SETD4: variants seen among roughly 807,000 people sequenced by gnomAD.
The protein encoded by SETD4 is SET domain containing 4.
Under a neutral mutation model 58.3 loss-of-function variants are expected in SETD4, and 46 were observed. That is an observed-to-expected ratio of 0.79 (90% CI 0.62 to 1.01). SETD4 has a LOEUF of 1.01. Among genes scored for constraint, SETD4 ranks in the 50% least tolerant of loss-of-function variants. SETD4 has a pLI of 0.00. For missense variants in SETD4, 490 were observed against 523.3 expected (o/e 0.94, Z 0.62); for synonymous variants, 190 against 202.6 (o/e 0.94, Z 0.53).
chr21:36,036,746 T>C (rs760457275), intron 10 of SETD4: 36 of 514,980 alleles, frequency 7.0e-5, no homozygotes, highest in African/African-American at 1.0e-4. Flanking sequence ...TTTTGCCTTT[T>C]AATAAAAAGT....
Position 36,035,955 on chromosome 21 carries a change from T to C in SETD4, c.*38A>G. The stretch of plus-strand genomic sequence containing the variant: ...TGATGATGCTCTTCAAAATTAACTT[T>C]TGTTTCTGTAGGAAAAGCAAAAGGA... On this transcript the variant is annotated 3_prime_UTR_variant, in exon 12 of 12. Coordinates refer to ENST00000332131, the MANE Select transcript of SETD4 (RefSeq NM_017438.5). 2 of 987,204 alleles carry C rather than the reference T, an allele frequency of 2.0e-6. No homozygotes were observed. The highest frequency in any genetic ancestry group is 3.0e-6 in the Non-Finnish European group (2 of 662,432). The allele number at this position is 987,204 out of a possible 1,614,324, so 61.2% of individuals were successfully genotyped here. A position where few individuals can be genotyped will look rare whatever the true frequency, so the allele number is the denominator to read the frequency against.
chr21:36,053,701 T>C lies in SETD4; in HGVS notation c.170-81A>G, dbSNP rs373526431. On this transcript the variant is annotated intron_variant, in intron 3 of 11. Coordinates refer to ENST00000332131, the MANE Select transcript of SETD4 (RefSeq NM_017438.5). ...AGATAACTATTATGGAAAAAAAAAA[T>C]GTGAACTTCAAAATTACACAAGGCT... The C allele has an allele frequency of 1.5e-5, 20 of 1,348,618 alleles. No individual in the cohort carries two copies. In the South Asian group the frequency reaches 2.3e-4, roughly 16 times the overall value. The allele number at this position is 1,348,618 out of a possible 1,614,324, so 83.5% of individuals were successfully genotyped here.
chr21:36,045,813 G>A lies in SETD4; in HGVS notation c.495C>T (p.His165=), dbSNP rs767191061. 9.3e-6 allele frequency: 15 copies of A among 1,614,100 alleles called. No homozygotes were observed. The highest frequency in any genetic ancestry group is 6.6e-5 in the South Asian group (6 of 91,094). The change falls in exon 6 of 12, where the codon CAC becomes CAT. Residue 165 remains histidine (H), a synonymous_variant. Transcript: ENST00000332131. The stretch of plus-strand genomic sequence containing the variant: ...TGGAGGAAGCAAAGAACTCCTGCAC[G>A]TGGGCTCTCTGCTCTTCAGCCTTTG... The part of the protein sequence containing the change: ...LKAKAEEQRA[H]VQEFFASSRD...
At chr21:36,038,556 C>T (rs1451850301) in intron 9 of SETD4, among the ~76,000 whole-genome samples, 2 of 152,114 alleles carry the variant, frequency 1.3e-5, no homozygotes, top group Non-Finnish European at 2.9e-5. Context: ...CTGTGTCTGA[C>T]CCATGAGTGA....
At chr21:36,042,294 G>A (rs868466100) in intron 7 of SETD4, 1 of 152,630 alleles carries the variant, frequency 6.6e-6, no homozygotes, top group East Asian at 1.9e-4. Context: ...GGATATTAGT[G>A]ACTGCAACTA....
intron 9 of SETD4, 38 bp downstream of exon 9, chr21:36,040,537 T>C (rs776365783): frequency 1.9e-6 from 3 of 1,563,270 alleles, no homozygotes; most frequent in South Asian, 2.2e-5. Flanking sequence ...ATATCTAGCC[T>C]GTTGCTACAG....
At chr21:36,058,687 C>T in intron 2 of SETD4, 129 bp downstream of exon 2, 1 of 1,098,278 alleles carries the variant, frequency 9.1e-7, no homozygotes, top group Non-Finnish European at 1.3e-6. Flanking sequence ...CACTGCACTC[C>T]AGCCTGGGTG....
chr21:36,051,762 G>A (rs2064706141), intron 4 of SETD4, among the ~76,000 whole-genome samples: 1 of 152,146 alleles, frequency 6.6e-6, no homozygotes, highest in South Asian at 2.1e-4. Context: ...TTCACATTGT[G>A]TTGGAAGATT....
Position 36,051,001 on chromosome 21 carries a change from G to A in SETD4, c.207+2582C>T, listed in dbSNP as rs150614398. 16 of 1,590,556 alleles carry A rather than the reference G, an allele frequency of 1.0e-5. 1 individual carries two copies. Among genetic ancestry groups the A allele is most frequent in the Middle Eastern group, 1.7e-4 (1 of 6,012 alleles). On this transcript the variant is annotated intron_variant, in intron 4 of 11. Coordinates refer to ENST00000332131, the MANE Select transcript of SETD4 (RefSeq NM_017438.5). The stretch of plus-strand genomic sequence containing the variant: ...AATATCCTGGGGATGGATGTGTGTG[G>A]CGTTGACCTGTTGATGAAAGATGGC...
Position 36,040,520 on chromosome 21 carries a change from C to T in SETD4, c.1064+55G>A, listed in dbSNP as rs2063996994. On this transcript the variant is annotated intron_variant, in intron 9 of 11. Transcript: ENST00000332131. Reference sequence around the variant, plus strand: ...GCCAAAAACAAACAAACCAACCCTCCAAAGTTATATCTAGCCTGTTGCTAC... The same window carrying T: ...GCCAAAAACAAACAAACCAACCCTCTAAAGTTATATCTAGCCTGTTGCTAC... The T allele has an allele frequency of 1.1e-5, 16 of 1,504,610 alleles. No homozygotes were observed. The South Asian group carries it at 1.8e-4, about 17-fold the overall frequency. 93.2% of individuals were successfully genotyped at this position (1,504,610 alleles called of 1,614,324 possible). A position where few individuals can be genotyped will look rare whatever the true frequency, so the allele number is the denominator to read the frequency against.
rs757880656 is a variant in SETD4 at position 36,057,224 on chromosome 21, C to G, written c.74-20G>C. Reference sequence around the variant, plus strand: ...CATTCACTATCAGGCAAGGAGAGAACAAATGGTGATTAAAACCACTATATA... The same window carrying G: ...CATTCACTATCAGGCAAGGAGAGAAGAAATGGTGATTAAAACCACTATATA... On this transcript the variant is annotated intron_variant, in intron 2 of 11. Coordinates refer to ENST00000332131, the MANE Select transcript of SETD4 (RefSeq NM_017438.5). The G allele has an allele frequency of 1.9e-6, 3 of 1,576,106 alleles. No individual in the cohort carries two copies. The highest frequency in any genetic ancestry group is 2.6e-6 in the Non-Finnish European group (3 of 1,145,500).
At chr21:36,048,211 T>G in intron 5 of SETD4, 97 bp downstream of exon 5, 2 of 988,492 alleles carry the variant, frequency 2.0e-6, no homozygotes, top group South Asian at 1.3e-5. Flanking sequence ...TACAAGGGAC[T>G]GGGTTCTAAT....
chr21:36,057,121 C>T lies in SETD4; in HGVS notation c.157G>A (p.Ala53Thr). The T allele has an allele frequency of 6.2e-7, 1 of 1,613,990 alleles. No homozygotes were observed. The highest frequency in any genetic ancestry group is 8.5e-7 in the Non-Finnish European group (1 of 1,179,858). Residue 53 changes from alanine to threonine, a missense_variant, in exon 3 of 12, where the codon GCT becomes ACT. Ala to Thr is a moderately conservative substitution (Grantham distance 58, BLOSUM62 0). Transcript: ENST00000332131. The stretch of plus-strand genomic sequence containing the variant: ...GGCTAGATCTTACCTGGAAAACAAG[C>T]AGGCGCTAAGTTTGAATCTTGAAAC... ...RKFQDSNLAP[A>T]CFPGTGRGLM... is the part of the protein sequence containing the mutation.
rs747415463 is a variant in SETD4 at position 36,036,109 on chromosome 21, C to T, written c.*8G>A. Reference sequence around the variant, plus strand: ...CCAGAGGAGGTGACCAAATGCGCTTCGGTGAAATCAGGTAAAAGCTGTTTG... The same window carrying T: ...CCAGAGGAGGTGACCAAATGCGCTTTGGTGAAATCAGGTAAAAGCTGTTTG... On this transcript the variant is annotated 3_prime_UTR_variant, in exon 11 of 12. Transcript: ENST00000332131. 25 of 1,614,034 alleles carry T rather than the reference C, an allele frequency of 1.5e-5. 1 individual carries two copies. The South Asian group carries it at 1.8e-4, about 11-fold the overall frequency.
intron 10 of SETD4, 67 bp from the exon 11 acceptor site, chr21:36,036,318 TACC>T: frequency 7.2e-7 from 1 of 1,387,474 alleles, no homozygotes; most frequent in Non-Finnish European, 9.7e-7. Context: ...AGAACGTACG[TACC>T]TTTTTAACCA....
At position 36,035,957 on chromosome 21, in the gene SETD4, G is replaced by T. The variant is rs192023257; in HGVS notation, c.*36C>A. On this transcript the variant is annotated 3_prime_UTR_variant, in exon 12 of 12. Transcript: ENST00000332131. ...ATGATGCTCTTCAAAATTAACTTTT[G>T]TTTCTGTAGGAAAAGCAAAAGGAAA... 4.2e-5 allele frequency: 42 copies of T among 1,006,708 alleles called. No individual in the cohort carries two copies. In the Admixed American group the frequency reaches 5.1e-4, roughly 12 times the overall value. 62.4% of individuals were successfully genotyped at this position (1,006,708 alleles called of 1,614,324 possible).
intron 3 of SETD4, among the ~76,000 whole-genome samples, chr21:36,055,273 T>A (rs1396876186): frequency 6.6e-6 from 1 of 152,242 alleles, no homozygotes; most frequent in Non-Finnish European, 1.5e-5. Flanking sequence ...ATTTATATGG[T>A]AGATAGTGTT....
intron 4 of SETD4, chr21:36,050,914 G>A: frequency 6.2e-7 from 1 of 1,610,560 alleles, no homozygotes; most frequent in East Asian, 2.2e-5. Context: ...TGCTCATTAG[G>A]TGGTGTGGGG....
chr21:36,038,271 G>A lies in SETD4; in HGVS notation c.1067C>T (p.Thr356Ile). Residue 356 changes from threonine (T) to isoleucine (I), a missense_variant and splice_region_variant, in exon 10 of 12, where the codon ACA (threonine) becomes ATA (isoleucine). Coordinates refer to ENST00000332131, the MANE Select transcript of SETD4 (RefSeq NM_017438.5). ...CCCAAGAAGTACTTTTTTCCAGCAT[G>A]TACTAGAACCAAAATGTTCCATGAC... is the stretch of plus-strand genomic sequence containing the variant. ...KLLCLEAEKF[T>I]CWKKVLLGEV... is the part of the protein sequence containing the mutation. The A allele has an allele frequency of 2.5e-6, 4 of 1,605,770 alleles. No individual in the cohort carries two copies. The highest frequency in any genetic ancestry group is 3.4e-6 in the Non-Finnish European group (4 of 1,178,144).
Sources: gnomAD v4.1 joint callset for allele counts (sites outside exome capture counted in the v4.1 genomes callset) on GRCh38, gnomAD v4.1.1 for gene constraint, MANE v1.5 for transcripts, NCBI Gene and HGNC (gene_info 2026-07-23, HGNC 2026-07-21) for gene names.